PRKCA: variants seen among roughly 807,000 people sequenced by gnomAD.
The protein encoded by PRKCA is protein kinase C alpha type.
In PRKCA, 27 loss-of-function variants were observed where a neutral mutation model predicts 87.0. The observed-to-expected ratio is 0.31, with a 90% CI of 0.23 to 0.43. PRKCA has a LOEUF of 0.43. PRKCA is among the 20% of genes least tolerant of loss of function. The probability of loss-of-function intolerance (pLI) is 1.00; values close to 1 mark genes in which losing one functional copy is unlikely to be tolerated. For missense variants in PRKCA, 518 were observed against 852.3 expected (o/e 0.61, Z 4.88); for synonymous variants, 329 against 311.1 (o/e 1.06, Z -0.61).
intron 2 of PRKCA, among the ~76,000 whole-genome samples, chr17:66,347,646 A>C (rs11651772): frequency 0.022 from 3,424 of 152,284 alleles, 57 homozygotes; most frequent in Non-Finnish European, 0.039. Flanking sequence ...CAAAAAAGTC[A>C]CAATTATTAG....
At chr17:66,668,031 A>G (rs1972085332) in intron 5 of PRKCA, among the ~76,000 whole-genome samples, 1 of 152,330 alleles carries the variant, frequency 6.6e-6, no homozygotes, top group South Asian at 2.1e-4. Context: ...AAGTGTTAAG[A>G]AACAATTATC....
At chr17:66,435,520 AT>A (rs1421747242) in intron 2 of PRKCA, among the ~76,000 whole-genome samples, 1 of 152,210 alleles carries the variant, frequency 6.6e-6, no homozygotes, top group African/African-American at 2.4e-5. Flanking sequence ...TCTATAAGGT[AT>A]CTATGTTCCA....
intron 2 of PRKCA, among the ~76,000 whole-genome samples, chr17:66,433,853 G>C (rs1331182524): frequency 6.6e-6 from 1 of 152,130 alleles, no homozygotes; most frequent in Non-Finnish European, 1.5e-5. Flanking sequence ...TCCACCTGAG[G>C]AGTTTCTGAA....
chr17:66,303,053 C>T, intron 1 of PRKCA, 29 bp downstream of exon 1: 1 of 1,585,778 alleles, frequency 6.3e-7, no homozygotes, highest in Non-Finnish European at 8.6e-7. Context: ...ACTCCTGCCC[C>T]GCTCCTCCCC....
chr17:66,540,405 C>T (rs1439433067), intron 3 of PRKCA, among the ~76,000 whole-genome samples: 6 of 152,016 alleles, frequency 3.9e-5, no homozygotes, highest in South Asian at 4.2e-4. Flanking sequence ...GGGGGGACGG[C>T]GTGTGCTGGT....
intron 2 of PRKCA, among the ~76,000 whole-genome samples, chr17:66,463,209 A>T (rs1914934106): frequency 6.6e-6 from 1 of 152,046 alleles, no homozygotes; most frequent in African/African-American, 2.4e-5. Flanking sequence ...CGCCCTGTAT[A>T]ATGTGCAGTT....
At chr17:66,784,713 G>A (rs1419957680) in intron 14 of PRKCA, among the ~76,000 whole-genome samples, 2 of 152,194 alleles carry the variant, frequency 1.3e-5, no homozygotes, top group Admixed American at 6.5e-5. Context: ...TGGACACAAG[G>A]ATGACCTGCA....
rs144150294 is a variant in PRKCA at position 66,743,792 on chromosome 17, A to G, written c.1524+1032A>G. On this transcript the variant is annotated intron_variant, in intron 13 of 16. Transcript: ENST00000413366. ...GCTGTTGGCAGCCGGTCTCACATTTATTCAACAGATTACCCCATGCATTTA... is the reference window on the plus strand; with the variant it reads ...GCTGTTGGCAGCCGGTCTCACATTTGTTCAACAGATTACCCCATGCATTTA... 3.7e-3 allele frequency among the ~76,000 whole-genome samples: 556 copies of G among 152,248 alleles called. 4 individuals are homozygous for G. The highest frequency in any genetic ancestry group is 5.0e-3 in the Non-Finnish European group (342 of 68,014).
intron 3 of PRKCA, among the ~76,000 whole-genome samples, chr17:66,520,861 A>G (rs1327262646): frequency 1.3e-5 from 2 of 152,212 alleles, no homozygotes; most frequent in African/African-American, 2.4e-5. Context: ...TGCCACTGCT[A>G]TTTTAGAGAC....
intron 2 of PRKCA, among the ~76,000 whole-genome samples, chr17:66,362,838 G>C (rs1407769629): frequency 1.3e-5 from 2 of 152,138 alleles, no homozygotes; most frequent in African/African-American, 4.8e-5. Flanking sequence ...GGGATTACAG[G>C]CATGTGCCGC....
chr17:66,651,167 G>GAAGCTCAGC (rs970092980), intron 5 of PRKCA, among the ~76,000 whole-genome samples: 6 of 152,120 alleles, frequency 3.9e-5, no homozygotes, highest in African/African-American at 1.4e-4. Flanking sequence ...GTGTGTTCAG[G>GAAGCTCAGC]AAGCTCAGCA....
intron 3 of PRKCA, among the ~76,000 whole-genome samples, chr17:66,528,812 G>C (rs1967438884): frequency 6.6e-6 from 1 of 152,230 alleles, no homozygotes. Context: ...TGGAAGTACA[G>C]TGTATTTTAG....
intron 5 of PRKCA, among the ~76,000 whole-genome samples, chr17:66,681,725 C>T (rs1972500030): frequency 6.6e-6 from 1 of 152,200 alleles, no homozygotes; most frequent in Non-Finnish European, 1.5e-5. Flanking sequence ...GCTGCCCACG[C>T]TCTTGGTCCC....
At chr17:66,652,189 C>A (rs1335293389) in intron 5 of PRKCA, among the ~76,000 whole-genome samples, 1 of 152,152 alleles carries the variant, frequency 6.6e-6, no homozygotes, top group East Asian at 1.9e-4. Context: ...GAACTCCTGA[C>A]TTGAGGTGAT....
intron 8 of PRKCA, among the ~76,000 whole-genome samples, chr17:66,702,177 C>G (rs1255575057): frequency 1.3e-5 from 2 of 151,778 alleles, no homozygotes; most frequent in Non-Finnish European, 2.9e-5. Flanking sequence ...CATGTAAAGG[C>G]TCAATTGTGT....
chr17:66,304,654 C>T (rs892160681), intron 1 of PRKCA, among the ~76,000 whole-genome samples: 8 of 152,196 alleles, frequency 5.3e-5, no homozygotes, highest in African/African-American at 1.9e-4. Flanking sequence ...AAGGGCAGGT[C>T]CCATGATCGT....
At chr17:66,517,310 A>G (rs1002747218) in intron 3 of PRKCA, among the ~76,000 whole-genome samples, 26 of 152,098 alleles carry the variant, frequency 1.7e-4, no homozygotes, top group African/African-American at 6.3e-4. Flanking sequence ...CAGAATTAGT[A>G]TCTCAGGAGA....
At chr17:66,535,077 C>A (rs1967725757) in intron 3 of PRKCA, among the ~76,000 whole-genome samples, 1 of 152,178 alleles carries the variant, frequency 6.6e-6, no homozygotes, top group African/African-American at 2.4e-5. Context: ...CAAATTATCC[C>A]CAAACTCTCT....
Position 66,302,906 on chromosome 17 carries a change from C to A in PRKCA, c.55C>A (p.Arg19Ser). ...CACGGCGTCTCAGGACGTGGCCAACCGCTTCGCCCGCAAAGGGGCGCTGAG... is the reference window on the plus strand; with the variant it reads ...CACGGCGTCTCAGGACGTGGCCAACAGCTTCGCCCGCAAAGGGGCGCTGAG... ...DSTASQDVANRFARKGALRQK... is the reference protein window; with the variant it reads ...DSTASQDVANSFARKGALRQK... Residue 19 changes from arginine (R) to serine (S), a missense_variant, in exon 1 of 17, where the codon CGC (arginine) becomes AGC (serine). By Grantham distance (110) the Arg-to-Ser change is moderately radical (BLOSUM62 -1). Coordinates refer to ENST00000413366, the MANE Select transcript of PRKCA (RefSeq NM_002737.3). 1 of 1,612,516 alleles carries A rather than the reference C, an allele frequency of 6.2e-7. No individual in the cohort carries two copies. The highest frequency in any genetic ancestry group is 8.5e-7 in the Non-Finnish European group (1 of 1,179,210).
Sources: gnomAD v4.1 joint callset for allele counts (sites outside exome capture counted in the v4.1 genomes callset) on GRCh38, gnomAD v4.1.1 for gene constraint, MANE v1.5 for transcripts, NCBI Gene and HGNC (gene_info 2026-07-23, HGNC 2026-07-21) for gene names.